WDR25: variants seen among roughly 807,000 people sequenced by gnomAD.
WDR25 encodes the protein WD repeat domain 25.
WDR25 carries 35 observed loss-of-function variants against 47.7 expected under a neutral mutation model. The ratio of observed to expected loss-of-function variants is 0.73; its 90% CI spans 0.56 to 0.97. The LOEUF is 0.97. Among genes scored for constraint, WDR25 ranks in the 50% least tolerant of loss-of-function variants. WDR25 has a pLI of 0.00. For missense variants in WDR25, 634 were observed against 704.7 expected (o/e 0.90, Z 1.14); for synonymous variants, 248 against 278.9 (o/e 0.89, Z 1.10).
chr14:100,463,839 A>C (rs1404715817), intron 2 of WDR25, among the ~76,000 whole-genome samples: 3 of 152,040 alleles, frequency 2.0e-5, no homozygotes, highest in African/African-American at 7.3e-5. Flanking sequence ...CCTTGCCCTC[A>C]TATCCTACCT....
rs1897579555 is a variant in WDR25, at chr14:100,407,594, T to C, written c.822+25848T>C. The C allele has an allele frequency of 6.6e-6, 1 of 152,234 alleles. No homozygotes were observed. Among genetic ancestry groups the C allele is most frequent in the African/African-American group, 2.4e-5 (1 of 41,422 alleles). The allele number at this position is 152,234 out of a possible 1,614,324, so 9.4% of individuals were successfully genotyped here. A position where few individuals can be genotyped will look rare whatever the true frequency, so the allele number is the denominator to read the frequency against. On this transcript the variant is annotated intron_variant, in intron 2 of 6. Transcript: ENST00000402312. This position sits in a 1 kb window ranked among gnomAD's most constrained non-coding sequence, Gnocchi z 4.1. The stretch of plus-strand genomic sequence containing the variant: ...CAGGGGAGCTGCTGGAGGCTTCTTA[T>C]GGCATGCAGATCAAGGAAGACCTGT...
chr14:100,444,750 G>A (rs1021647943), intron 2 of WDR25, among the ~76,000 whole-genome samples: 1 of 152,232 alleles, frequency 6.6e-6, no homozygotes, highest in Non-Finnish European at 1.5e-5. Flanking sequence ...CGGCGAAACA[G>A]CTCATCGTCC....
At chr14:100,443,957 T>C (rs765660135) in intron 2 of WDR25, among the ~76,000 whole-genome samples, 5 of 152,108 alleles carry the variant, frequency 3.3e-5, no homozygotes, top group African/African-American at 4.8e-5. Flanking sequence ...TTTTGCGGCT[T>C]AGGATCTTGA....
At chr14:100,411,226 C>T (rs1897698319) in intron 2 of WDR25, among the ~76,000 whole-genome samples, 1 of 152,168 alleles carries the variant, frequency 6.6e-6, no homozygotes, top group African/African-American at 2.4e-5. Flanking sequence ...CAGACCCCAG[C>T]TTCCTAGCTC....
intron 3 of WDR25, among the ~76,000 whole-genome samples, chr14:100,471,797 A>G (rs892617387): frequency 6.6e-6 from 1 of 152,236 alleles, no homozygotes; most frequent in African/African-American, 2.4e-5. Flanking sequence ...TATCTCATTA[A>G]TTTATAGTTC....
At chr14:100,416,239 T>G (rs1425753792) in intron 2 of WDR25, among the ~76,000 whole-genome samples, 1 of 152,200 alleles carries the variant, frequency 6.6e-6, no homozygotes, top group African/African-American at 2.4e-5. Flanking sequence ...GTTTTAAGAG[T>G]AAGAGGCAGT....
At chr14:100,515,571 G>A (rs775819099) in intron 4 of WDR25, among the ~76,000 whole-genome samples, 12 of 151,878 alleles carry the variant, frequency 7.9e-5, no homozygotes, top group South Asian at 2.1e-4. Context: ...CATACTGTCC[G>A]CTACCTTCTT....
At chr14:100,472,535 A>G (rs548120585) in intron 3 of WDR25, among the ~76,000 whole-genome samples, 1 of 152,356 alleles carries the variant, frequency 6.6e-6, no homozygotes, top group South Asian at 2.1e-4. Flanking sequence ...CTCCTCCGTC[A>G]TGGCCCATGA....
chr14:100,526,057 G>A lies in WDR25; in HGVS notation c.1272+17G>A, dbSNP rs148722797. 1.3e-4 allele frequency: 217 copies of A among 1,613,676 alleles called. No individual in the cohort carries two copies. Among genetic ancestry groups the A allele is most frequent in the Non-Finnish European group, 1.7e-4 (206 of 1,179,832 alleles). Reference sequence around the variant, plus strand: ...ATTTTCCACGTAAGAAATCCCATTTGGCATTGCTGTCAGTTTCAGCCACAG... The same window carrying A: ...ATTTTCCACGTAAGAAATCCCATTTAGCATTGCTGTCAGTTTCAGCCACAG... On this transcript the variant is annotated intron_variant, in intron 5 of 6. Transcript: ENST00000402312.
At chr14:100,376,738 G>A in intron 1 of WDR25, 1 of 1,230,004 alleles carries the variant, frequency 8.1e-7, no homozygotes, top group Non-Finnish European at 1.0e-6. Flanking sequence ...ATCGCTCTGG[G>A]GCCTCCGGGG....
Position 100,444,284 on chromosome 14 carries a change from C to T in WDR25, c.823-23737C>T, listed in dbSNP as rs1535463. ...GGTGCTGATGGAAATTTTGCTACTT[C>T]GAAGGTAGCAGTTTGTCCTCCCGGG... is the stretch of plus-strand genomic sequence containing the variant. On this transcript the variant is annotated intron_variant, in intron 2 of 6. Transcript: ENST00000402312. Among the ~76,000 whole-genome samples the T allele has an allele frequency of 4.6e-3, 699 of 152,272 alleles. 4 individuals are homozygous for T. Among genetic ancestry groups the T allele is most frequent in the African/African-American group, 0.016 (680 of 41,562 alleles).
At chr14:100,526,119 A>G (rs1394293632) in intron 5 of WDR25, 79 bp downstream of exon 5, 3 of 1,517,648 alleles carry the variant, frequency 2.0e-6, no homozygotes, top group East Asian at 4.7e-5. Flanking sequence ...CTGAGGTCCC[A>G]GGTCCCTTCT....
chr14:100,484,055 A>G lies in WDR25; in HGVS notation c.1032A>G (p.Lys344=), dbSNP rs201935753. Residue 344 remains lysine, a synonymous_variant, in exon 4 of 7, where the codon AAA becomes AAG. Coordinates refer to ENST00000402312, the MANE Select transcript of WDR25 (RefSeq NM_001161476.3). Reference sequence around the variant, plus strand: ...TCACTACCTTGAAATTCCATCCAAAAGACCACAACATCTTTTTATGTGGAG... The same window carrying G: ...TCACTACCTTGAAATTCCATCCAAAGGACCACAACATCTTTTTATGTGGAG... ...FRITTLKFHP[K]DHNIFLCGGF... is the part of the protein sequence containing the mutation. 1.9e-6 allele frequency: 3 copies of G among 1,613,926 alleles called. No individual in the cohort carries two copies. Among genetic ancestry groups the G allele is most frequent in the Non-Finnish European group, 2.5e-6 (3 of 1,179,952 alleles).
At position 100,410,970 on chromosome 14, in the gene WDR25, A is replaced by G. The variant is rs145164595; in HGVS notation, c.822+29224A>G. 4.2e-3 allele frequency among the ~76,000 whole-genome samples: 641 copies of G among 151,904 alleles called. 3 individuals are homozygous for G. Among genetic ancestry groups the G allele is most frequent in the African/African-American group, 0.015 (604 of 41,412 alleles). ...GCTAATTTTTGTATTTTTGGTAGCA[A>G]TGGAGTCTCGTCATGTTGCCCAGGC... On this transcript the variant is annotated intron_variant, in intron 2 of 6. Transcript: ENST00000402312.
Position 100,381,231 on chromosome 14 carries a change from C to T in WDR25, c.307C>T (p.Pro103Ser). 1 of 1,613,896 alleles carries T rather than the reference C, an allele frequency of 6.2e-7. No homozygotes were observed. The highest frequency in any genetic ancestry group is 8.5e-7 in the Non-Finnish European group (1 of 1,179,966). The change falls in exon 2 of 7, where the codon CCT (proline) becomes TCT (serine). Residue 103 changes from proline to serine, a missense_variant. Physicochemically the swap from Pro to Ser is moderately conservative, Grantham distance 74. Coordinates refer to ENST00000402312, the MANE Select transcript of WDR25 (RefSeq NM_001161476.3). ...GAGGCTACAGTGGCCCGGGAAGGAG[C>T]CTCAAGTCACCTTCCCCATCAAAGA... The part of the protein sequence containing the change: ...SQRLQWPGKE[P>S]QVTFPIKEPS...
At chr14:100,451,634 C>A (rs965570902) in intron 2 of WDR25, among the ~76,000 whole-genome samples, 2 of 152,280 alleles carry the variant, frequency 1.3e-5, no homozygotes, top group African/African-American at 4.8e-5. Context: ...GCCTTTAGAG[C>A]CTTGGTGATT....
intron 2 of WDR25, among the ~76,000 whole-genome samples, chr14:100,460,135 C>T (rs12893921): frequency 0.23 from 32,387 of 140,856 alleles, 3,905 homozygotes; most frequent in African/African-American, 0.29. Flanking sequence ...TTTTTTGAGA[C>T]GGAGTCTCGC....
chr14:100,512,089 T>C (rs957528294), intron 4 of WDR25, among the ~76,000 whole-genome samples: 1 of 152,188 alleles, frequency 6.6e-6, no homozygotes, highest in Non-Finnish European at 1.5e-5. Context: ...TGTATGGGTT[T>C]GGTATCAGGG....
chr14:100,376,670 G>C, intron 1 of WDR25, 175 bp downstream of exon 1: 1 of 1,231,666 alleles, frequency 8.1e-7, no homozygotes. Flanking sequence ...TGACAGCTCA[G>C]CTAACTCCTA....
Sources: gnomAD v4.1 joint callset for allele counts (sites outside exome capture counted in the v4.1 genomes callset) on GRCh38, gnomAD v4.1.1 for gene constraint, Gnocchi (gnomAD v3.1) non-coding constraint, MANE v1.5 for transcripts, NCBI Gene and HGNC (gene_info 2026-07-23, HGNC 2026-07-21) for gene names.